The following SLAIN2 variants were observed in gnomAD, a reference collection of about 807,000 sequenced individuals.
SLAIN2 encodes the protein SLAIN motif-containing protein 2.
In SLAIN2, 31 loss-of-function variants were observed where a neutral mutation model predicts 56.6. The observed-to-expected ratio is 0.55, with a 90% CI of 0.41 to 0.74. The LOEUF (loss-of-function observed/expected upper bound fraction) is 0.74. Among genes scored for constraint, SLAIN2 ranks in the 30% least tolerant of loss-of-function variants. SLAIN2 has a pLI of 0.00. For missense variants in SLAIN2, 777 were observed against 754.2 expected (o/e 1.03, Z -0.35); for synonymous variants, 317 against 284.9 (o/e 1.11, Z -1.13).
intron 5 of SLAIN2, 46 bp from the exon 6 acceptor site, chr4:48,383,598 TCTC>T: frequency 7.0e-7 from 1 of 1,431,824 alleles, no homozygotes; most frequent in Non-Finnish European, 9.3e-7. Context: ...ATTTTAATTT[TCTC>T]CATCTGAAAG....
intron 1 of SLAIN2, among the ~76,000 whole-genome samples, chr4:48,354,120 A>C (rs1715088456): frequency 6.6e-6 from 1 of 152,104 alleles, no homozygotes; most frequent in Admixed American, 6.5e-5. Flanking sequence ...CAAAACAGCA[A>C]CAAAAACTTT....
At chr4:48,361,549 T>G (rs1003119197) in intron 1 of SLAIN2, among the ~76,000 whole-genome samples, 2 of 152,254 alleles carry the variant, frequency 1.3e-5, no homozygotes, top group African/African-American at 4.8e-5. Context: ...GATTTGTGTT[T>G]TAGAAAACAC....
intron 6 of SLAIN2, among the ~76,000 whole-genome samples, chr4:48,403,757 A>G (rs569833908): frequency 1.6e-4 from 25 of 152,312 alleles, no homozygotes; most frequent in African/African-American, 5.1e-4. Context: ...AGGGTAATGC[A>G]TGGAGGGATC....
At chr4:48,383,140 T>G (rs1423977794) in intron 5 of SLAIN2, among the ~76,000 whole-genome samples, 8 of 137,288 alleles carry the variant, frequency 5.8e-5, no homozygotes, top group African/African-American at 2.3e-4. Flanking sequence ...TACACTCCAG[T>G]CTGGGCAACA....
chr4:48,378,259 A>C (rs1715879960), intron 3 of SLAIN2, among the ~76,000 whole-genome samples, 199 bp downstream of exon 3: 1 of 152,220 alleles, frequency 6.6e-6, no homozygotes, highest in Admixed American at 6.5e-5. Context: ...CAGTGTGCTA[A>C]ATACATAAAA....
chr4:48,390,146 C>T (rs1317359976), intron 6 of SLAIN2, among the ~76,000 whole-genome samples: 5 of 149,518 alleles, frequency 3.3e-5, no homozygotes, highest in Admixed American at 2.0e-4. Context: ...GTGATCACAG[C>T]TTACTGCAAC....
At chr4:48,353,366 T>C (rs1450628848) in intron 1 of SLAIN2, among the ~76,000 whole-genome samples, 1 of 151,998 alleles carries the variant, frequency 6.6e-6, no homozygotes, top group Non-Finnish European at 1.5e-5. Flanking sequence ...TCTATCATGG[T>C]AAGAAATAGT....
At chr4:48,417,820 T>C (rs1297680795) in intron 6 of SLAIN2, among the ~76,000 whole-genome samples, 3 of 151,798 alleles carry the variant, frequency 2.0e-5, no homozygotes, top group Non-Finnish European at 4.4e-5. Flanking sequence ...CTAAAAACTC[T>C]CAATAAATTA....
chr4:48,361,438 G>C lies in SLAIN2; in HGVS notation c.390-8411G>C, dbSNP rs1715324484. The stretch of plus-strand genomic sequence containing the variant: ...ACTACAACAGTTAAATCATTGGTTA[G>C]GTCTCTAGAGCTGTGGGGATCATTT... On this transcript the variant is annotated intron_variant, in intron 1 of 7. Transcript: ENST00000264313. Among the ~76,000 whole-genome samples the C allele has an allele frequency of 3.9e-5, 6 of 152,136 alleles. No homozygotes were observed. The South Asian group carries it at 1.2e-3, about 32-fold the overall frequency.
chr4:48,392,196 G>A (rs139144993), intron 6 of SLAIN2, among the ~76,000 whole-genome samples: 31 of 152,224 alleles, frequency 2.0e-4, no homozygotes, highest in African/African-American at 7.0e-4. Context: ...TGGTATTTTA[G>A]GAAAATCGTT....
At chr4:48,358,863 G>A (rs1715240230) in intron 1 of SLAIN2, among the ~76,000 whole-genome samples, 1 of 151,984 alleles carries the variant, frequency 6.6e-6, no homozygotes, top group Non-Finnish European at 1.5e-5. Context: ...TGGGATTACA[G>A]GCTCCCGCAG....
At chr4:48,342,866 C>G (rs568897553) in intron 1 of SLAIN2, among the ~76,000 whole-genome samples, 1 of 151,880 alleles carries the variant, frequency 6.6e-6, no homozygotes, top group Non-Finnish European at 1.5e-5. Flanking sequence ...CCACGTCCTT[C>G]TAGGGGCAGA....
chr4:48,382,667 C>T lies in SLAIN2; in HGVS notation c.962C>T (p.Ala321Val). ...RGTFSDQELD[A>V]QSLDDEDDNM... Reference sequence around the variant, plus strand: ...ACTTTTAGTGATCAGGAACTTGATGCACAAAGTTTAGATGATGAAGATGAC... The same window carrying T: ...ACTTTTAGTGATCAGGAACTTGATGTACAAAGTTTAGATGATGAAGATGAC... Residue 321 changes from alanine (A) to valine (V), a missense_variant, in exon 5 of 8, where the codon GCA becomes GTA. Ala to Val is a moderately conservative substitution (Grantham distance 64, BLOSUM62 0). Transcript: ENST00000264313. The T allele has an allele frequency of 6.2e-7, 1 of 1,613,818 alleles. No individual in the cohort carries two copies. Among genetic ancestry groups the T allele is most frequent in the Non-Finnish European group, 8.5e-7 (1 of 1,179,830 alleles).
At chr4:48,403,892 G>A (rs1473174577) in intron 6 of SLAIN2, among the ~76,000 whole-genome samples, 20 of 152,292 alleles carry the variant, frequency 1.3e-4, no homozygotes, top group East Asian at 9.7e-4. Flanking sequence ...CTGTGGTGGC[G>A]TGGGCTTGTG....
At position 48,342,034 on chromosome 4, in the gene SLAIN2, G is replaced by T. The variant is rs1714723680; in HGVS notation, c.295G>T (p.Ala99Ser). 7.1e-7 allele frequency: 1 copy of T among 1,402,052 alleles called. No homozygotes were observed. The highest frequency in any genetic ancestry group is 9.2e-7 in the Non-Finnish European group (1 of 1,084,406). The allele number at this position is 1,402,052 out of a possible 1,614,324, so 86.9% of individuals were successfully genotyped here. A position where few individuals can be genotyped will look rare whatever the true frequency, so the allele number is the denominator to read the frequency against. Residue 99 changes from alanine (A) to serine (S), a missense_variant, in exon 1 of 8, where the codon GCG (alanine) becomes TCG (serine). By Grantham distance (99) the Ala-to-Ser change is moderately conservative. Transcript: ENST00000264313. ...EELRDATSLLAAGEGGLLDEV... is the reference protein window; with the variant it reads ...EELRDATSLLSAGEGGLLDEV... ...GCTGCGGGACGCCACCTCCTTGCTA[G>T]CGGCGGGCGAGGGCGGCTTGCTGGA... is the stretch of plus-strand genomic sequence containing the variant.
At chr4:48,356,946 C>G (rs1715170553) in intron 1 of SLAIN2, among the ~76,000 whole-genome samples, 1 of 151,990 alleles carries the variant, frequency 6.6e-6, no homozygotes, top group East Asian at 1.9e-4. Context: ...GTGTTGTGTT[C>G]TGTCACACAT....
At chr4:48,413,142 C>A (rs182899573) in intron 6 of SLAIN2, among the ~76,000 whole-genome samples, 1 of 151,828 alleles carries the variant, frequency 6.6e-6, no homozygotes, top group Non-Finnish European at 1.5e-5. Flanking sequence ...GCACGAGAGT[C>A]GCTTGAACCT....
intron 1 of SLAIN2, among the ~76,000 whole-genome samples, chr4:48,345,035 C>A (rs866304996): frequency 2.0e-5 from 3 of 152,154 alleles, no homozygotes; most frequent in Admixed American, 6.5e-5. Context: ...TTTTTTGCCT[C>A]TAATTTTATA....
rs1312721543 is a variant in SLAIN2, at chr4:48,423,432, T to G, written c.*1355T>G. ...CTCTCATTTTTTATTATGAGGTCTG[T>G]TTTTAAATACTTAATTTGAACAGCT... On this transcript the variant is annotated 3_prime_UTR_variant, in exon 8 of 8. Coordinates refer to ENST00000264313, the MANE Select transcript of SLAIN2 (RefSeq NM_020846.2). 1 of 152,136 alleles carries G rather than the reference T, an allele frequency of 6.6e-6. No homozygotes were observed. The highest frequency in any genetic ancestry group is 6.6e-5 in the Admixed American group (1 of 15,262). The allele number at this position is 152,136 out of a possible 1,614,324, so 9.4% of individuals were successfully genotyped here.
Sources: gnomAD v4.1 joint callset for allele counts (sites outside exome capture counted in the v4.1 genomes callset) on GRCh38, gnomAD v4.1.1 for gene constraint, MANE v1.5 for transcripts, NCBI Gene and HGNC (gene_info 2026-07-23, HGNC 2026-07-21) for gene names.